The following FBXW7 variants were observed in gnomAD, a reference collection of about 807,000 sequenced individuals.
FBXW7 encodes the protein F-box and WD repeat domain containing 7, also known as F-box/WD repeat-containing protein 7.
FBXW7 carries 11 observed loss-of-function variants against 86.3 expected under a neutral mutation model. That is an observed-to-expected ratio of 0.13 (90% CI 0.08 to 0.21). The LOEUF is 0.21. FBXW7 is among the 10% of genes least tolerant of loss of function. FBXW7 has a pLI of 1.00. For synonymous variants in FBXW7, 313 were observed against 297.9 expected (o/e 1.05, Z -0.52); for missense variants, 488 against 847.4 (o/e 0.58, Z 5.27).
chr4:152,515,102 G>A (rs1189599006), intron 2 of FBXW7, among the ~76,000 whole-genome samples: 1 of 152,084 alleles, frequency 6.6e-6, no homozygotes, highest in Non-Finnish European at 1.5e-5. Context: ...GAACATCTAG[G>A]AAACATACTT....
rs1266899895 is a variant in FBXW7 at position 152,393,492 on chromosome 4, A to AG, written c.501+17810_501+17811insC. Among the ~76,000 whole-genome samples, 3 of 152,126 alleles carry AG rather than the reference A, an allele frequency of 2.0e-5. No individual in the cohort carries two copies. The East Asian group carries it at 5.8e-4, about 29-fold the overall frequency. On this transcript the variant is annotated intron_variant, in intron 4 of 13. Coordinates refer to ENST00000281708, the MANE Select transcript of FBXW7 (RefSeq NM_001349798.2). The stretch of plus-strand genomic sequence containing the variant: ...ATGATGAATAAACCCCAAAACTGAA[A>AG]CACGTGATAAACACTACAGAGGTAC...
At chr4:152,355,161 T>A (rs997315179) in intron 4 of FBXW7, among the ~76,000 whole-genome samples, 4 of 152,166 alleles carry the variant, frequency 2.6e-5, no homozygotes, top group African/African-American at 9.6e-5. Flanking sequence ...ATTATATTAC[T>A]GTCATCATAA....
intron 4 of FBXW7, among the ~76,000 whole-genome samples, chr4:152,360,442 C>T (rs1041019283): frequency 6.6e-5 from 10 of 152,150 alleles, no homozygotes; most frequent in African/African-American, 2.2e-4. Context: ...CGAAAAGTTA[C>T]TCGGGGCAAC....
intron 2 of FBXW7, among the ~76,000 whole-genome samples, chr4:152,524,815 T>A (rs1466377726): frequency 1.3e-5 from 2 of 152,210 alleles, no homozygotes; most frequent in African/African-American, 4.8e-5. Context: ...GTTTAGTATT[T>A]ATCCGCAGGG....
intron 4 of FBXW7, among the ~76,000 whole-genome samples, chr4:152,408,746 A>G (rs1005432281): frequency 2.0e-5 from 3 of 152,212 alleles, no homozygotes; most frequent in African/African-American, 7.2e-5. Context: ...GCAGCATAGC[A>G]TGTGGAAAGA....
chr4:152,420,068 C>T (rs1004570842), intron 2 of FBXW7, among the ~76,000 whole-genome samples: 2 of 152,166 alleles, frequency 1.3e-5, no homozygotes, highest in African/African-American at 4.8e-5. Context: ...TGTAGATCTT[C>T]TTTCAAGATT....
intron 4 of FBXW7, among the ~76,000 whole-genome samples, chr4:152,362,430 T>C (rs1733052278): frequency 6.6e-6 from 1 of 152,142 alleles, no homozygotes; most frequent in African/African-American, 2.4e-5. Context: ...GTTCATGAGA[T>C]GATAAAGAAG....
At chr4:152,499,942 T>A (rs777954754) in intron 2 of FBXW7, among the ~76,000 whole-genome samples, 45 of 152,298 alleles carry the variant, frequency 3.0e-4, no homozygotes, top group Middle Eastern at 6.8e-3. Context: ...GCATCTCTGA[T>A]CATCATGCCT....
chr4:152,412,095 T>C (rs1427247510), intron 3 of FBXW7, among the ~76,000 whole-genome samples: 1 of 152,138 alleles, frequency 6.6e-6, no homozygotes, highest in East Asian at 1.9e-4. Flanking sequence ...ACAACACTAA[T>C]CCCTTTTAAT....
chr4:152,441,354 T>C (rs753528565), intron 2 of FBXW7, among the ~76,000 whole-genome samples: 6 of 152,158 alleles, frequency 3.9e-5, no homozygotes, highest in Non-Finnish European at 7.4e-5. Flanking sequence ...AGAAATTTGC[T>C]CCATTAGTCA....
chr4:152,530,070 TACACACACACACAC>T (rs200498212), intron 2 of FBXW7, among the ~76,000 whole-genome samples: 14 of 124,670 alleles, frequency 1.1e-4, no homozygotes, highest in Middle Eastern at 4.3e-3. Flanking sequence ...AAAAAAAAAA[TACACACACACACAC>T]ACACACACAC....
At chr4:152,529,317 A>T (rs192034550) in intron 2 of FBXW7, among the ~76,000 whole-genome samples, 1 of 152,294 alleles carries the variant, frequency 6.6e-6, no homozygotes, top group East Asian at 1.9e-4. Context: ...TGACCTTCTA[A>T]AAGATGTACT....
chr4:152,426,946 C>T (rs74382304), intron 2 of FBXW7, among the ~76,000 whole-genome samples: 3 of 152,248 alleles, frequency 2.0e-5, no homozygotes, highest in Admixed American at 1.3e-4. Context: ...CACAATACAA[C>T]GGGGAGCTCT....
chr4:152,435,470 C>T (rs1316491427), intron 2 of FBXW7, among the ~76,000 whole-genome samples: 2 of 152,124 alleles, frequency 1.3e-5, no homozygotes, highest in African/African-American at 4.8e-5. Flanking sequence ...CCAGTTCATC[C>T]CATTATTGAT....
intron 2 of FBXW7, among the ~76,000 whole-genome samples, chr4:152,428,947 T>C (rs1406875111): frequency 1.3e-5 from 2 of 152,188 alleles, no homozygotes; most frequent in Admixed American, 6.5e-5. Flanking sequence ...CCCAGCACTT[T>C]GGGAGGCCAA....
intron 2 of FBXW7, among the ~76,000 whole-genome samples, chr4:152,444,411 T>C (rs1380997719): frequency 6.6e-6 from 1 of 151,800 alleles, no homozygotes; most frequent in Non-Finnish European, 1.5e-5. Context: ...CGAACATCCT[T>C]GTGCCTAAGT....
intron 2 of FBXW7, among the ~76,000 whole-genome samples, chr4:152,462,358 AG>A (rs370742833): frequency 1.3e-3 from 192 of 152,336 alleles, no homozygotes; most frequent in African/African-American, 4.4e-3. Context: ...CAAATCTCAC[AG>A]GGTTCAATTC....
At chr4:152,410,653 G>C (rs970896114) in intron 4 of FBXW7, among the ~76,000 whole-genome samples, 2 of 152,148 alleles carry the variant, frequency 1.3e-5, no homozygotes, top group Non-Finnish European at 2.9e-5. Context: ...AAATCAGTTT[G>C]TATATTGTTT....
chr4:152,390,927 T>C (rs1343425662), intron 4 of FBXW7, among the ~76,000 whole-genome samples: 1 of 151,918 alleles, frequency 6.6e-6, no homozygotes, highest in Non-Finnish European at 1.5e-5. Flanking sequence ...GTTTGACAAA[T>C]TATAAAAATT....
Sources: allele counts gnomAD v4.1 joint callset (sites outside exome capture counted in the v4.1 genomes callset), GRCh38; gene constraint gnomAD v4.1.1; transcripts MANE v1.5; gene names NCBI Gene and HGNC (gene_info 2026-07-23, HGNC 2026-07-21).